ACOT6: variants seen among roughly 807,000 people sequenced by gnomAD.
ACOT6 encodes acyl-CoA thioesterase 6, also known as acyl-coenzyme A thioesterase 6.
Under a neutral mutation model 12.3 loss-of-function variants are expected in ACOT6, and 14 were observed. The ratio of observed to expected loss-of-function variants is 1.14; its 90% CI spans 0.75 to 1.78. ACOT6 has a LOEUF of 1.78. Among genes scored for constraint, ACOT6 ranks in the 40% most tolerant of loss-of-function variants. The probability of loss-of-function intolerance (pLI) is 0.00; values close to 1 mark genes in which losing one functional copy is unlikely to be tolerated. For missense variants in ACOT6, 523 were observed against 551.8 expected (o/e 0.95, Z 0.52); for synonymous variants, 218 against 231.3 (o/e 0.94, Z 0.52).
In ACOT6 at chr14:73,619,287, T is replaced by G; in HGVS notation, c.714T>G (p.Cys238Trp). The change falls in exon 3 of 3, where the codon TGT (cysteine) becomes TGG (tryptophan). Residue 238 changes from cysteine (C) to tryptophan (W), a missense_variant. Physicochemically the swap from Cys to Trp is radical, Grantham distance 215. This residue lies in a region of ACOT6 where 219 missense variants were observed against 277.0 expected (regional missense o/e 0.79). Transcript: ENST00000645972. ...LLGFSKGGDL[C>W]LSMASFLKGI... ...GATTTTCCAAAGGAGGTGACCTGTG[T>G]CTCTCAATGGCTTCTTTCTTGAAGG... 1 of 1,610,340 alleles carries G rather than the reference T, an allele frequency of 6.2e-7. No individual in the cohort carries two copies. Among genetic ancestry groups the G allele is most frequent in the South Asian group, 1.1e-5 (1 of 90,082 alleles).
Position 73,612,906 on chromosome 14 carries a change from A to G in ACOT6, c.335A>G (p.His112Arg). 6 of 1,366,086 alleles carry G rather than the reference A, an allele frequency of 4.4e-6. No individual in the cohort carries two copies. The highest frequency in any genetic ancestry group is 4.9e-6 in the Non-Finnish European group (5 of 1,022,290). 84.6% of individuals were successfully genotyped at this position (1,366,086 alleles called of 1,614,324 possible). ...FAVELEVLDG[H>R]DTEPGRLLCL... ...GTGGAGCTGGAAGTGCTGGACGGCC[A>G]CGACACCGAGCCCGGGCGGCTGCTG... Residue 112 changes from histidine (H) to arginine (R), a missense_variant, in exon 1 of 3, where the codon CAC (histidine) becomes CGC (arginine). By Grantham distance (29) the His-to-Arg change is conservative. Around this residue, in one of 2 missense-constraint regions of ACOT6, gnomAD observed 304 missense variants for 274.8 expected, o/e 1.11. Coordinates refer to ENST00000645972, the MANE Select transcript of ACOT6 (RefSeq NM_001365788.1).
In ACOT6 at chr14:73,612,866, C is replaced by T; in HGVS notation, c.295C>T (p.Arg99Trp). Residue 99 changes from arginine (R) to tryptophan (W), a missense_variant, in exon 1 of 3, where the codon CGG becomes TGG. Arg to Trp is a moderately radical substitution (Grantham distance 101, BLOSUM62 -3). Transcript: ENST00000645972. ...GGTGCGGCTGGTGAAGCGCGACGTG[C>T]GGACGCCCTTCGCCGTGGAGCTGGA... Reference protein sequence around the residue: ...ALVRLVKRDVRTPFAVELEVL... With the variant: ...ALVRLVKRDVWTPFAVELEVL... 1.4e-6 allele frequency: 2 copies of T among 1,404,408 alleles called. No individual in the cohort carries two copies. The highest frequency in any genetic ancestry group is 9.5e-7 in the Non-Finnish European group (1 of 1,051,796). The allele number at this position is 1,404,408 out of a possible 1,614,324, so 87.0% of individuals were successfully genotyped here. A position where few individuals can be genotyped will look rare whatever the true frequency, so the allele number is the denominator to read the frequency against.
chr14:73,611,986 G>A (rs1375704156), upstream of ACOT6, among the ~76,000 whole-genome samples: 3 of 151,870 alleles, frequency 2.0e-5, no homozygotes, highest in African/African-American at 7.3e-5. Flanking sequence ...GCTCTCAGTG[G>A]TTTTTGTGCC....
chr14:73,617,711 T>C (rs965009060), intron 2 of ACOT6, among the ~76,000 whole-genome samples: 3 of 148,950 alleles, frequency 2.0e-5, no homozygotes, highest in African/African-American at 7.8e-5. Context: ...TAAAGAGATA[T>C]TTTTTGAGAC....
rs1185142662 is a variant in ACOT6 at position 73,612,706 on chromosome 14, CTTCCGGGCCCACGCGCGCTA to C, written c.136_155del (p.Phe46ProfsTer102). 16 of 1,395,102 alleles carry C rather than the reference CTTCCGGGCCCACGCGCGCTA, an allele frequency of 1.1e-5. No individual in the cohort carries two copies. In the South Asian group the frequency reaches 1.6e-4, roughly 14 times the overall value. 86.4% of individuals were successfully genotyped at this position (1,395,102 alleles called of 1,614,324 possible). On this transcript the variant is annotated frameshift_variant, in exon 1 of 3. Coordinates refer to ENST00000645972, the MANE Select transcript of ACOT6 (RefSeq NM_001365788.1). LOFTEE classifies it high-confidence loss of function. ...CCCTGCGCGACGAAGAGGGCGCGCTCTTCCGGGCCCACGCGCGCTACCGTGCCGACGCCCGCGACGAGCTG... is the reference window on the plus strand; with the variant it reads ...CCCTGCGCGACGAAGAGGGCGCGCTCCCGTGCCGACGCCCGCGACGAGCTG...
chr14:73,617,278 G>GA, intron 2 of ACOT6, 86 bp downstream of exon 2: 1 of 1,559,758 alleles, frequency 6.4e-7, no homozygotes, highest in Non-Finnish European at 8.8e-7. Context: ...AGAACACTGA[G>GA]AACTAGAAAC....
rs1238047364 is a variant in ACOT6, at chr14:73,618,143, C to CA, written c.660+960dup. On this transcript the variant is annotated intron_variant, in intron 2 of 2. Coordinates refer to ENST00000645972, the MANE Select transcript of ACOT6 (RefSeq NM_001365788.1). ...GGGCAACAAGAATGAAACCCCATCT[C>CA]AAAAAAAAACCCAACAACAACAACG... is the stretch of plus-strand genomic sequence containing the variant. Among the ~76,000 whole-genome samples the CA allele has an allele frequency of 1.3e-4, 20 of 150,008 alleles. 1 individual carries two copies. The South Asian group carries it at 3.0e-3, about 22-fold the overall frequency.
intron 1 of ACOT6, among the ~76,000 whole-genome samples, chr14:73,614,092 T>G (rs1490036591): frequency 6.6e-6 from 1 of 150,746 alleles, no homozygotes; most frequent in East Asian, 2.0e-4. Context: ...TCCCAGCTGC[T>G]TGGGAGGCTG....
intron 1 of ACOT6, among the ~76,000 whole-genome samples, chr14:73,615,812 G>A (rs1377635764): frequency 1.3e-5 from 2 of 152,136 alleles, no homozygotes; most frequent in African/African-American, 4.8e-5. Flanking sequence ...AGCACTTGAA[G>A]AGGCCGAGGT....
rs1318725667 is a variant in ACOT6, at chr14:73,617,069, C to T, written c.537C>T (p.Ala179=). 1.3e-5 allele frequency: 18 copies of T among 1,419,140 alleles called. No homozygotes were observed. In the Admixed American group the frequency reaches 1.5e-4, roughly 12 times the overall value. The allele number at this position is 1,419,140 out of a possible 1,614,324, so 87.9% of individuals were successfully genotyped here. ...GLCEYRASLL[A]GHGFAVLALA... ...GTGAATACAGGGCCAGCCTCCTGGC[C>T]GGACATGGTTTTGCTGTGCTTGCCC... Residue 179 remains alanine (A), a synonymous_variant, in exon 2 of 3, where the codon GCC becomes GCT. Transcript: ENST00000645972.
chr14:73,614,669 C>T (rs1890502557), intron 1 of ACOT6, among the ~76,000 whole-genome samples: 1 of 151,226 alleles, frequency 6.6e-6, no homozygotes, highest in Non-Finnish European at 1.5e-5. Flanking sequence ...ATCGCTTGAA[C>T]CCGGGAGGCT....
rs1381597677 is a variant in ACOT6, at chr14:73,616,818, A to G, written c.462-176A>G. On this transcript the variant is annotated intron_variant, in intron 1 of 2. Transcript: ENST00000645972. Reference sequence around the variant, plus strand: ...CTGTCGCCTGAGTAGTATACATTGTACCCAATATGTAGTTTTTTATCCCTC... The same window carrying G: ...CTGTCGCCTGAGTAGTATACATTGTGCCCAATATGTAGTTTTTTATCCCTC... 16 of 542,762 alleles carry G rather than the reference A, an allele frequency of 2.9e-5. 1 individual carries two copies. In the Admixed American group the frequency reaches 3.3e-4, roughly 11 times the overall value. 33.6% of individuals were successfully genotyped at this position (542,762 alleles called of 1,614,324 possible).
chr14:73,615,139 G>T (rs1890512314), intron 1 of ACOT6, among the ~76,000 whole-genome samples: 1 of 150,700 alleles, frequency 6.6e-6, no homozygotes, highest in Admixed American at 6.6e-5. Context: ...TCTAATCCCG[G>T]CACTTTGGGA....
At position 73,619,313 on chromosome 14, in the gene ACOT6, G is replaced by A. The variant is rs1261908851; in HGVS notation, c.740G>A (p.Gly247Asp). 6.2e-7 allele frequency: 1 copy of A among 1,613,642 alleles called. No individual in the cohort carries two copies. Among genetic ancestry groups the A allele is most frequent in the Non-Finnish European group, 8.5e-7 (1 of 1,179,902 alleles). ...LCLSMASFLKGITATVLINAC... is the reference protein window; with the variant it reads ...LCLSMASFLKDITATVLINAC... The stretch of plus-strand genomic sequence containing the variant: ...CTCTCAATGGCTTCTTTCTTGAAGG[G>A]CATCACAGCCACTGTACTTATCAAT... The change falls in exon 3 of 3, where the codon GGC (glycine) becomes GAC (aspartate). Residue 247 changes from glycine (G) to aspartate (D), a missense_variant. Transcript: ENST00000645972.
In ACOT6 at chr14:73,612,600, C is replaced by T; in HGVS notation, c.29C>T (p.Ala10Val). 2 of 1,412,342 alleles carry T rather than the reference C, an allele frequency of 1.4e-6. No individual in the cohort carries two copies. Among genetic ancestry groups the T allele is most frequent in the African/African-American group, 1.5e-5 (1 of 67,004 alleles). The allele number at this position is 1,412,342 out of a possible 1,614,324, so 87.5% of individuals were successfully genotyped here. A position where few individuals can be genotyped will look rare whatever the true frequency, so the allele number is the denominator to read the frequency against. MAATLILEP[A>V]GRCCWDEPLR... ...GCAGCGACGCTGATCCTGGAGCCCGCGGGCCGCTGCTGCTGGGACGAGCCG... is the reference window on the plus strand; with the variant it reads ...GCAGCGACGCTGATCCTGGAGCCCGTGGGCCGCTGCTGCTGGGACGAGCCG... Residue 10 changes from alanine to valine, a missense_variant, in exon 1 of 3, where the codon GCG (alanine) becomes GTG (valine). Transcript: ENST00000645972.
intron 2 of ACOT6, 78 bp downstream of exon 2, chr14:73,617,270 AACACTG>A: frequency 6.4e-7 from 1 of 1,568,694 alleles, no homozygotes; most frequent in Non-Finnish European, 8.8e-7. Context: ...GCCCTGCCAG[AACACTG>A]AGAACTAGAA....
chr14:73,616,844 T>C, intron 1 of ACOT6, 150 bp from the exon 2 acceptor site: 1 of 568,150 alleles, frequency 1.8e-6, no homozygotes, highest in Non-Finnish European at 3.1e-6. Flanking sequence ...TTTATCCCTC[T>C]ATATTATCAT....
intron 1 of ACOT6, 100 bp from the exon 2 acceptor site, chr14:73,616,894 C>T: frequency 1.8e-6 from 1 of 568,864 alleles, no homozygotes; most frequent in Non-Finnish European, 3.1e-6. Context: ...CTTTCTCTGC[C>T]AATCTCTCTA....
intron 1 of ACOT6, among the ~76,000 whole-genome samples, chr14:73,614,642 G>A (rs1890501979): frequency 6.6e-6 from 1 of 151,948 alleles, no homozygotes; most frequent in South Asian, 2.1e-4. Context: ...AGCTACTAGG[G>A]AGGCTGAGGT....
Sources: gnomAD v4.1 joint callset for allele counts (sites outside exome capture counted in the v4.1 genomes callset) on GRCh38, gnomAD v4.1.1 for gene constraint, gnomAD v4.1.1 regional missense constraint, MANE v1.5 for transcripts, NCBI Gene and HGNC (gene_info 2026-07-23, HGNC 2026-07-21) for gene names.